Variants in KPNA4 observed in about 807,000 individuals in gnomAD.
KPNA4 encodes the protein importin subunit alpha-3.
Under a neutral mutation model 71.3 loss-of-function variants are expected in KPNA4, and 13 were observed. The observed-to-expected ratio is 0.18, with a 90% confidence interval of 0.12 to 0.29. The LOEUF (loss-of-function observed/expected upper bound fraction) is 0.29, where lower values mean the gene tolerates loss of function less well. Ranked by LOEUF, KPNA4 falls within the 10% of genes least tolerant of loss-of-function variation. The pLI is 1.00. For synonymous variants in KPNA4, 189 were observed against 195.2 expected (o/e 0.97, Z 0.26); for missense variants, 334 against 603.2 (o/e 0.55, Z 4.67).
At chr3:160,526,275 G>C (rs551117446) in intron 8 of KPNA4, among the ~76,000 whole-genome samples, 168 bp from the exon 9 acceptor site, 8 of 152,262 alleles carry the variant, frequency 5.3e-5, no homozygotes, top group Admixed American at 3.3e-4. Flanking sequence ...AGCCAAGAGA[G>C]GCAACATAAA....
At chr3:160,536,143 A>C (rs1167177102) in intron 2 of KPNA4, among the ~76,000 whole-genome samples, 1 of 152,016 alleles carries the variant, frequency 6.6e-6, no homozygotes, top group African/African-American at 2.4e-5. Flanking sequence ...ATGTAAAAAC[A>C]AACAAAACAA....
intron 1 of KPNA4, among the ~76,000 whole-genome samples, chr3:160,553,800 A>G (rs547049664): frequency 2.0e-5 from 3 of 152,344 alleles, no homozygotes; most frequent in African/African-American, 7.2e-5. Context: ...TCTCAAGGAG[A>G]TATCAGATAC....
In KPNA4 at chr3:160,502,113, G is replaced by A; in HGVS notation, c.1557C>T (p.Phe519=). The A allele has an allele frequency of 1.9e-6, 3 of 1,572,366 alleles. No homozygotes were observed. Among genetic ancestry groups the A allele is most frequent in the Non-Finnish European group, 2.6e-6 (3 of 1,153,230 alleles). ...NSSANVPTEG[F]QF is the part of the protein sequence containing the mutation. ...CTTCCACAACATCTTTCTAAAACTG[G>A]AACCCTTCTGTTGGTACATTGGCAG... Residue 519 remains phenylalanine (F), a synonymous_variant, in exon 17 of 17, where the codon TTC becomes TTT. Coordinates refer to ENST00000334256, the MANE Select transcript of KPNA4 (RefSeq NM_002268.5).
At position 160,565,199 on chromosome 3, in the gene KPNA4, C is replaced by A; in HGVS notation, c.69+15G>T. 6.2e-7 allele frequency: 1 copy of A among 1,600,464 alleles called. No homozygotes were observed. ...CCCACAGCCCCCACCCCTCCGGCGT[C>A]GTCCCCGAGTTTACCTCCAAGTCGC... On this transcript the variant is annotated intron_variant, in intron 1 of 16. Coordinates refer to ENST00000334256, the MANE Select transcript of KPNA4 (RefSeq NM_002268.5).
chr3:160,550,663 T>C (rs924563703), intron 1 of KPNA4, among the ~76,000 whole-genome samples: 1 of 152,220 alleles, frequency 6.6e-6, no homozygotes, highest in African/African-American at 2.4e-5. Context: ...CCTTATTATG[T>C]TGAGATAATT....
chr3:160,536,142 C>CAAACA (rs954513609), intron 2 of KPNA4, among the ~76,000 whole-genome samples: 1 of 151,914 alleles, frequency 6.6e-6, no homozygotes, highest in Non-Finnish European at 1.5e-5. Flanking sequence ...TATGTAAAAA[C>CAAACA]AAACAAAACA....
chr3:160,508,986 T>C (rs564789213), intron 14 of KPNA4, among the ~76,000 whole-genome samples: 178 of 152,348 alleles, frequency 1.2e-3, no homozygotes, highest in African/African-American at 4.2e-3. Context: ...ATATTCCTGT[T>C]CTGCTCTGTA....
Position 160,515,372 on chromosome 3 carries a change from T to C in KPNA4, c.1032+80A>G, listed in dbSNP as rs902639032. 12 of 1,273,642 alleles carry C rather than the reference T, an allele frequency of 9.4e-6. No individual in the cohort carries two copies. In the African/African-American group the frequency reaches 1.4e-4, roughly 14 times the overall value. The allele number at this position is 1,273,642 out of a possible 1,614,324, so 78.9% of individuals were successfully genotyped here. ...GTATTAAGAATCAATATTACAGACATTTCTAAGACTCTAATTTTACAAATA... is the reference window on the plus strand; with the variant it reads ...GTATTAAGAATCAATATTACAGACACTTCTAAGACTCTAATTTTACAAATA... On this transcript the variant is annotated intron_variant, in intron 12 of 16. Coordinates refer to ENST00000334256, the MANE Select transcript of KPNA4 (RefSeq NM_002268.5).
At chr3:160,545,981 T>C (rs1391382727) in intron 1 of KPNA4, among the ~76,000 whole-genome samples, 1 of 152,248 alleles carries the variant, frequency 6.6e-6, no homozygotes. Flanking sequence ...GGGGGTAATA[T>C]CACTTTTAGA....
chr3:160,529,855 C>A (rs1577054394), intron 7 of KPNA4, among the ~76,000 whole-genome samples: 1 of 151,874 alleles, frequency 6.6e-6, no homozygotes, highest in Non-Finnish European at 1.5e-5. Flanking sequence ...TATGGCCGGG[C>A]GTGGTGGCTC....
intron 1 of KPNA4, among the ~76,000 whole-genome samples, chr3:160,550,924 G>C (rs1325591709): frequency 6.6e-6 from 1 of 152,164 alleles, no homozygotes; most frequent in Non-Finnish European, 1.5e-5. Context: ...TTCTGTTGAG[G>C]ATTTTTGCAT....
At chr3:160,549,818 T>C (rs897620778) in intron 1 of KPNA4, among the ~76,000 whole-genome samples, 1 of 152,236 alleles carries the variant, frequency 6.6e-6, no homozygotes, top group African/African-American at 2.4e-5. Context: ...TTGATAGGGC[T>C]TGCAATGGAA....
Position 160,514,282 on chromosome 3 carries a change from C to T in KPNA4, c.1033-101G>A, listed in dbSNP as rs945734059. 2.7e-5 allele frequency: 19 copies of T among 697,112 alleles called. 1 individual carries two copies. The highest frequency in any genetic ancestry group is 1.4e-4 in the South Asian group (7 of 50,758). The allele number at this position is 697,112 out of a possible 1,614,324, so 43.2% of individuals were successfully genotyped here. A position where few individuals can be genotyped will look rare whatever the true frequency, so the allele number is the denominator to read the frequency against. ...CTACACTGTCCCAATGATTTTACTA[C>T]GAAATGAGCTCCATAATAAAAATCT... On this transcript the variant is annotated intron_variant, in intron 12 of 16. Coordinates refer to ENST00000334256, the MANE Select transcript of KPNA4 (RefSeq NM_002268.5).
intron 15 of KPNA4, among the ~76,000 whole-genome samples, chr3:160,507,354 G>A (rs899275378): frequency 6.6e-6 from 1 of 152,012 alleles, no homozygotes; most frequent in African/African-American, 2.4e-5. Flanking sequence ...CAAAAAATTA[G>A]CTGGGCGTGG....
chr3:160,507,668 T>C (rs1471747873), intron 15 of KPNA4, among the ~76,000 whole-genome samples: 1 of 152,238 alleles, frequency 6.6e-6, no homozygotes, highest in Non-Finnish European at 1.5e-5. Flanking sequence ...TATCTCTGCC[T>C]GGAACACCTT....
chr3:160,496,969 A>C lies in KPNA4; in HGVS notation c.*5135T>G, dbSNP rs1052881463. On this transcript the variant is annotated 3_prime_UTR_variant, in exon 17 of 17. Coordinates refer to ENST00000334256, the MANE Select transcript of KPNA4 (RefSeq NM_002268.5). ...CAAGATTATTGTTAACTTCTGGGTT[A>C]AGTGTTTAGGGAAAAAAATGTTAAA... is the stretch of plus-strand genomic sequence containing the variant. The C allele has an allele frequency of 6.6e-6, 1 of 152,212 alleles. No individual in the cohort carries two copies. 9.4% of individuals were successfully genotyped at this position (152,212 alleles called of 1,614,324 possible).
At chr3:160,531,379 A>G (rs1328602877) in intron 6 of KPNA4, 83 bp downstream of exon 6, 3 of 680,890 alleles carry the variant, frequency 4.4e-6, no homozygotes, top group Admixed American at 3.1e-5. Context: ...TCTTTCTTTA[A>G]AGATCAAACT....
At chr3:160,506,101 T>G (rs1331669191) in intron 15 of KPNA4, among the ~76,000 whole-genome samples, 1 of 152,132 alleles carries the variant, frequency 6.6e-6, no homozygotes, top group Non-Finnish European at 1.5e-5. Context: ...ACTTTAAATC[T>G]CCTCATCTCC....
intron 1 of KPNA4, among the ~76,000 whole-genome samples, chr3:160,555,865 T>C (rs1722125974): frequency 6.6e-6 from 1 of 152,140 alleles, no homozygotes; most frequent in Admixed American, 6.5e-5. Context: ...GAGTTTTGCT[T>C]TTGTTGCCCA....
Sources: allele counts gnomAD v4.1 joint callset (sites outside exome capture counted in the v4.1 genomes callset), GRCh38; gene constraint gnomAD v4.1.1; transcripts MANE v1.5; gene names NCBI Gene and HGNC (gene_info 2026-07-23, HGNC 2026-07-21).